Variants in MARCHF1 observed in about 807,000 individuals in gnomAD.
MARCHF1 encodes E3 ubiquitin-protein ligase MARCHF1.
In MARCHF1, 40 loss-of-function variants were observed where a neutral mutation model predicts 54.2. The observed-to-expected ratio is 0.74, with a 90% CI of 0.57 to 0.96. The LOEUF is 0.96. Among genes scored for constraint, MARCHF1 ranks in the 40% least tolerant of loss-of-function variants. MARCHF1 has a pLI of 0.00. For synonymous variants in MARCHF1, 236 were observed against 236.3 expected, an observed-to-expected ratio of 1.00 and a Z score of 0.01; for missense variants, 586 against 656.5, an observed-to-expected ratio of 0.89 and a Z score of 1.17.
At chr4:164,095,210 G>A (rs1399194685) in intron 2 of MARCHF1, among the ~76,000 whole-genome samples, 1 of 151,844 alleles carries the variant, frequency 6.6e-6, no homozygotes, top group Non-Finnish European at 1.5e-5. Context: ...TATACTCCAG[G>A]GCCTATTCCT....
At chr4:163,918,127 C>G (rs1579391124) in intron 3 of MARCHF1, among the ~76,000 whole-genome samples, 1 of 152,212 alleles carries the variant, frequency 6.6e-6, no homozygotes, top group Non-Finnish European at 1.5e-5. Flanking sequence ...GCCAGTTCTC[C>G]CAGCATCATT....
chr4:163,929,274 T>C lies in MARCHF1; in HGVS notation c.-39+59227A>G, dbSNP rs116875385. Among the ~76,000 whole-genome samples the C allele has an allele frequency of 7.2e-3, 1,088 of 152,058 alleles. 12 individuals are homozygous for C. The highest frequency in any genetic ancestry group is 0.039 in the East Asian group (202 of 5,170). ...CATATTCAAACAAATTACTTTACCC[T>C]CCTAAGTCTTTCAACAGTAAAATGG... On this transcript the variant is annotated intron_variant, in intron 3 of 9. Transcript: ENST00000514618.
intron 3 of MARCHF1, among the ~76,000 whole-genome samples, chr4:163,855,483 C>T (rs1185955431): frequency 2.0e-5 from 3 of 152,136 alleles, no homozygotes; most frequent in African/African-American, 7.2e-5. Flanking sequence ...TCCTCATTCC[C>T]AGTAACACTA....
At chr4:164,255,029 G>GC (rs1733238974) in intron 1 of MARCHF1, among the ~76,000 whole-genome samples, 1 of 152,154 alleles carries the variant, frequency 6.6e-6, no homozygotes, top group Non-Finnish European at 1.5e-5. Flanking sequence ...ACAGGCGTGA[G>GC]CCCCCACGCC....
At chr4:163,894,176 T>C (rs1750724664) in intron 3 of MARCHF1, among the ~76,000 whole-genome samples, 2 of 152,132 alleles carry the variant, frequency 1.3e-5, no homozygotes, top group African/African-American at 4.8e-5. Flanking sequence ...ATTTGTGTCA[T>C]CCTTCAGAGC....
chr4:163,662,867 G>T (rs956504920), intron 5 of MARCHF1, among the ~76,000 whole-genome samples: 10 of 151,970 alleles, frequency 6.6e-5, no homozygotes, highest in African/African-American at 2.4e-4. Flanking sequence ...GGCAAATATG[G>T]GAAAGAGGAG....
chr4:164,118,375 AACAT>A, intron 1 of MARCHF1, among the ~76,000 whole-genome samples: 1 of 151,342 alleles, frequency 6.6e-6, no homozygotes, highest in African/African-American at 2.4e-5. Flanking sequence ...TCCTAATAGA[AACAT>A]ACAAAGTTAA....
At chr4:163,787,301 A>G (rs1747649603) in intron 4 of MARCHF1, among the ~76,000 whole-genome samples, 1 of 151,786 alleles carries the variant, frequency 6.6e-6, no homozygotes, top group South Asian at 2.1e-4. Context: ...AATGTAAAAA[A>G]GGGACAAAAT....
chr4:164,163,334 T>C (rs1359162726), intron 1 of MARCHF1, among the ~76,000 whole-genome samples: 1 of 151,736 alleles, frequency 6.6e-6, no homozygotes, highest in Non-Finnish European at 1.5e-5. Flanking sequence ...ACAAAATAAT[T>C]GGAGATAAAG....
At chr4:163,612,151 C>A in intron 7 of MARCHF1, 120 bp downstream of exon 7, 1 of 880,518 alleles carries the variant, frequency 1.1e-6, no homozygotes, top group Non-Finnish European at 1.6e-6. Context: ...TATATCCAAT[C>A]AGAAAAAGAA....
intron 2 of MARCHF1, among the ~76,000 whole-genome samples, chr4:164,071,815 A>AT (rs1754872790): frequency 1.3e-5 from 2 of 152,186 alleles, no homozygotes; most frequent in South Asian, 4.1e-4. Flanking sequence ...CACACGGCAC[A>AT]TATATGTAAG....
chr4:163,809,058 A>G (rs2111003198), intron 4 of MARCHF1, among the ~76,000 whole-genome samples: 1 of 152,174 alleles, frequency 6.6e-6, no homozygotes, highest in African/African-American at 2.4e-5. Flanking sequence ...CACCGCTTGC[A>G]TCTTTGCAAT....
intron 3 of MARCHF1, among the ~76,000 whole-genome samples, chr4:163,921,759 G>T (rs1180138580): frequency 6.6e-6 from 1 of 152,064 alleles, no homozygotes; most frequent in Non-Finnish European, 1.5e-5. Context: ...ATGAAAAAGT[G>T]TTGTTTCTTT....
chr4:163,607,924 G>A (rs754049952), intron 7 of MARCHF1, among the ~76,000 whole-genome samples: 8 of 152,076 alleles, frequency 5.3e-5, no homozygotes, highest in Non-Finnish European at 1.2e-4. Context: ...GCTCACTAAA[G>A]TTTTAGAACT....
At chr4:163,672,825 C>T (rs904458909) in intron 5 of MARCHF1, among the ~76,000 whole-genome samples, 8 of 152,144 alleles carry the variant, frequency 5.3e-5, no homozygotes, top group Admixed American at 2.0e-4. Flanking sequence ...AGCTTCTTGA[C>T]GTTTCCTGCA....
intron 4 of MARCHF1, among the ~76,000 whole-genome samples, chr4:163,805,810 C>T (rs919744193): frequency 6.6e-6 from 1 of 152,164 alleles, no homozygotes; most frequent in African/African-American, 2.4e-5. Context: ...GTCACGATAT[C>T]TACACAAACA....
rs542789398 is a variant in MARCHF1 at position 163,898,348 on chromosome 4, C to T, written c.-38-44179G>A. Among the ~76,000 whole-genome samples, 20 of 152,162 alleles carry T rather than the reference C, an allele frequency of 1.3e-4. 1 individual carries two copies. Among genetic ancestry groups the T allele is most frequent in the African/African-American group, 4.8e-4 (20 of 41,534 alleles). ...GGAACTCAAACAACAAAAAAGCAAA[C>T]ACCACCACTAAAAACTGGGCAAATG... On this transcript the variant is annotated intron_variant, in intron 3 of 9. Transcript: ENST00000514618.
Position 164,031,406 on chromosome 4 carries a change from G to A in MARCHF1, c.-247-42697C>T, listed in dbSNP as rs192129139. Reference sequence around the variant, plus strand: ...TTTATTCTTTATTAGTCTAGCTAGTGGGGTATCTATTATATTATTTTTTTT... The same window carrying A: ...TTTATTCTTTATTAGTCTAGCTAGTAGGGTATCTATTATATTATTTTTTTT... On this transcript the variant is annotated intron_variant, in intron 2 of 9. Coordinates refer to ENST00000514618, the MANE Select transcript of MARCHF1 (RefSeq NM_001394959.1). Among the ~76,000 whole-genome samples, 35 of 145,616 alleles carry A rather than the reference G, an allele frequency of 2.4e-4. No individual in the cohort carries two copies. In the East Asian group the frequency reaches 6.8e-3, roughly 28 times the overall value.
intron 7 of MARCHF1, 30 bp downstream of exon 7, chr4:163,612,241 G>A (rs1007671739): frequency 1.5e-5 from 21 of 1,448,082 alleles, no homozygotes; most frequent in Non-Finnish European, 1.6e-5. Context: ...ATATATGGAT[G>A]ACATCAAGCC....
Sources: allele counts gnomAD v4.1 joint callset (sites outside exome capture counted in the v4.1 genomes callset), GRCh38; gene constraint gnomAD v4.1.1; transcripts MANE v1.5; gene names NCBI Gene and HGNC (gene_info 2026-07-23, HGNC 2026-07-21).